PRUNE2: variants seen among roughly 807,000 people sequenced by gnomAD.
The protein encoded by PRUNE2 is protein prune homolog 2.
PRUNE2 carries 164 observed loss-of-function variants against 252.0 expected under a neutral mutation model. The observed-to-expected ratio is 0.65, with a 90% CI of 0.57 to 0.74. The LOEUF is 0.74. PRUNE2 is among the 30% of genes least tolerant of loss of function. PRUNE2 has a pLI of 0.00. For synonymous variants in PRUNE2, 1,292 were observed against 1,350.2 expected (o/e 0.96, Z 0.94); for missense variants, 3,495 against 3,711.0 (o/e 0.94, Z 1.51).
At chr9:76,890,676 C>T (rs1002397212) in intron 1 of PRUNE2, among the ~76,000 whole-genome samples, 1 of 152,150 alleles carries the variant, frequency 6.6e-6, no homozygotes, top group Non-Finnish European at 1.5e-5. Flanking sequence ...CTACTTCCCT[C>T]GGCATATACC....
At chr9:76,677,499 C>A (rs576531262) in intron 9 of PRUNE2, among the ~76,000 whole-genome samples, 4 of 152,268 alleles carry the variant, frequency 2.6e-5, no homozygotes, top group South Asian at 2.1e-4. Flanking sequence ...ATGACCAAAC[C>A]GTCAGCTCCT....
intron 6 of PRUNE2, chr9:76,733,743 T>A (rs893463036): frequency 1.3e-5 from 2 of 152,082 alleles, no homozygotes; most frequent in Admixed American, 6.5e-5. Flanking sequence ...AGACAATTAA[T>A]TAATTTGCCT....
At chr9:76,739,001 C>T (rs2049324205) in intron 6 of PRUNE2, 1 of 152,122 alleles carries the variant, frequency 6.6e-6, no homozygotes, top group Non-Finnish European at 1.5e-5. Context: ...CTCATAATCA[C>T]CCTGTGAAGT....
At position 76,848,658 on chromosome 9, in the gene PRUNE2, A is replaced by G. The variant is rs958608220; in HGVS notation, c.344+1805T>C. ...AAACTGTGAAAAACTAACATTTTAA[A>G]CTACTGAAGTGCTTAGCTGGTGAAC... On this transcript the variant is annotated intron_variant, in intron 3 of 18. Coordinates refer to ENST00000376718, the MANE Select transcript of PRUNE2 (RefSeq NM_015225.3). 6.6e-5 allele frequency among the ~76,000 whole-genome samples: 10 copies of G among 152,372 alleles called. No homozygotes were observed. In the South Asian group the frequency reaches 1.7e-3, roughly 25 times the overall value.
chr9:76,782,961 A>C (rs1174297209), intron 6 of PRUNE2: 1 of 152,220 alleles, frequency 6.6e-6, no homozygotes, highest in Non-Finnish European at 1.5e-5. Context: ...TCTATGAATT[A>C]GACAATCTTT....
At chr9:76,640,600 G>T (rs1842166932) in intron 12 of PRUNE2, among the ~76,000 whole-genome samples, 1 of 152,142 alleles carries the variant, frequency 6.6e-6, no homozygotes, top group African/African-American at 2.4e-5. Context: ...CCAATATGCA[G>T]GGTATTTATC....
In PRUNE2 at chr9:76,752,763, G is replaced by A. The variant is rs553863330; in HGVS notation, c.757-39042C>T. 5.9e-5 allele frequency among the ~76,000 whole-genome samples: 9 copies of A among 152,244 alleles called. No individual in the cohort carries two copies. In the South Asian group the frequency reaches 1.9e-3, roughly 32 times the overall value. On this transcript the variant is annotated intron_variant, in intron 6 of 18. Transcript: ENST00000376718. ...CCCAATCTACATATAGAAGACTGGGGTGCAGAGAAGTTAAGCAAGACTACG... is the reference window on the plus strand; with the variant it reads ...CCCAATCTACATATAGAAGACTGGGATGCAGAGAAGTTAAGCAAGACTACG...
Position 76,750,951 on chromosome 9 carries a change from A to T in PRUNE2, c.757-37230T>A, listed in dbSNP as rs1173776651. Among the ~76,000 whole-genome samples, 3 of 152,294 alleles carry T rather than the reference A, an allele frequency of 2.0e-5. 1 individual carries two copies. The highest frequency in any genetic ancestry group is 6.8e-3 in the Middle Eastern group (2 of 294). On this transcript the variant is annotated intron_variant, in intron 6 of 18. Transcript: ENST00000376718. The stretch of plus-strand genomic sequence containing the variant: ...TCTGTAGCAAAAGGCATGGGAATTC[A>T]CTGTTATTTATTGAACCAGACTAGG...
chr9:76,832,854 G>A (rs145105937), intron 4 of PRUNE2, among the ~76,000 whole-genome samples: 5 of 151,934 alleles, frequency 3.3e-5, no homozygotes, highest in South Asian at 4.1e-4. Context: ...TAATGAAATC[G>A]TGACATAACT....
chr9:76,765,101 T>C (rs2052194484), intron 6 of PRUNE2, among the ~76,000 whole-genome samples: 1 of 152,188 alleles, frequency 6.6e-6, no homozygotes, highest in Non-Finnish European at 1.5e-5. Flanking sequence ...GTAGCAGATG[T>C]ACATTTGTTG....
rs958139708 is a variant in PRUNE2 at position 76,613,484 on chromosome 9, A to T, written c.*1086T>A. Reference sequence around the variant, plus strand: ...CATGTGTCATGAAATATTCAAAAAAAATTTTTCCAACCCAAAATGTAAAAA... The same window carrying T: ...CATGTGTCATGAAATATTCAAAAAATATTTTTCCAACCCAAAATGTAAAAA... On this transcript the variant is annotated 3_prime_UTR_variant, in exon 19 of 19. Coordinates refer to ENST00000376718, the MANE Select transcript of PRUNE2 (RefSeq NM_015225.3). The T allele has an allele frequency of 6.6e-6, 1 of 152,198 alleles. No homozygotes were observed. The highest frequency in any genetic ancestry group is 1.5e-5 in the Non-Finnish European group (1 of 68,034). The allele number at this position is 152,198 out of a possible 1,614,324, so 9.4% of individuals were successfully genotyped here.
chr9:76,757,098 T>A (rs1373566098), intron 6 of PRUNE2, among the ~76,000 whole-genome samples: 2 of 152,228 alleles, frequency 1.3e-5, no homozygotes, highest in Admixed American at 1.3e-4. Flanking sequence ...CATAATAGTA[T>A]TTTCCCAACA....
chr9:76,881,255 C>T (rs903056631), intron 1 of PRUNE2, among the ~76,000 whole-genome samples: 3 of 152,104 alleles, frequency 2.0e-5, no homozygotes, highest in Non-Finnish European at 2.9e-5. Flanking sequence ...CGTGAGCCAC[C>T]GAGCCTGGCT....
In PRUNE2 at chr9:76,708,701, G is replaced by C. The variant is rs1191619688; in HGVS notation, c.3573C>G (p.Ala1191=). The C allele has an allele frequency of 1.2e-6, 2 of 1,613,840 alleles. No homozygotes were observed. The highest frequency in any genetic ancestry group is 2.7e-5 in the African/African-American group (2 of 74,918). ...CACTGTCCTTGGTATGCTCATCAGA[G>C]GCAGGGAGCTCCCAATCTACCTGAT... The part of the protein sequence containing the change: ...EANQVDWELP[A]SDEHTKDSAP... The change falls in exon 8 of 19, where the codon GCC becomes GCG. Residue 1191 remains alanine (A), a synonymous_variant. Coordinates refer to ENST00000376718, the MANE Select transcript of PRUNE2 (RefSeq NM_015225.3).
At chr9:76,888,885 C>T (rs1244498157) in intron 1 of PRUNE2, among the ~76,000 whole-genome samples, 1 of 152,094 alleles carries the variant, frequency 6.6e-6, no homozygotes, top group Non-Finnish European at 1.5e-5. Flanking sequence ...CTCTGTCACA[C>T]AGGCTGAAGT....
rs753193313 is a variant in PRUNE2, at chr9:76,652,562, G to A, written c.8478C>T (p.Asp2826=). ...CATTGATGTCAATTTCATCTGGACT[G>A]TCCAAGTTATCATCAGAGAGAATAG... ...EGSILSDDNL[D]SPDEIDINVD... is the part of the protein sequence containing the mutation. Residue 2826 remains aspartate, a synonymous_variant, in exon 11 of 19, where the codon GAC becomes GAT. Coordinates refer to ENST00000376718, the MANE Select transcript of PRUNE2 (RefSeq NM_015225.3). 1 of 1,613,186 alleles carries A rather than the reference G, an allele frequency of 6.2e-7. No homozygotes were observed. Among genetic ancestry groups the A allele is most frequent in the South Asian group, 1.1e-5 (1 of 91,054 alleles).
chr9:76,612,038 A>AT lies in PRUNE2; in HGVS notation c.*2531dup, dbSNP rs1444594833. 1.3e-5 allele frequency: 2 copies of AT among 152,442 alleles called. No individual in the cohort carries two copies. Among genetic ancestry groups the AT allele is most frequent in the African/African-American group, 2.4e-5 (1 of 41,434 alleles). The allele number at this position is 152,442 out of a possible 1,614,324, so 9.4% of individuals were successfully genotyped here. On this transcript the variant is annotated 3_prime_UTR_variant, in exon 19 of 19. Transcript: ENST00000376718. ...CTGTCTACCTATCTGCTTAGGGATTATTTTTCTAGGATTCATCTAGGATTC... is the reference window on the plus strand; with the variant it reads ...CTGTCTACCTATCTGCTTAGGGATTATTTTTTCTAGGATTCATCTAGGATTC...
rs1161760551 is a variant in PRUNE2, at chr9:76,717,758, T to C, written c.757-4037A>G. On this transcript the variant is annotated intron_variant, in intron 6 of 18. Coordinates refer to ENST00000376718, the MANE Select transcript of PRUNE2 (RefSeq NM_015225.3). ...GCATGGAATTTAGGAAGTTACTTTA[T>C]GAATCATTGCAACTGGGAATTGGCT... 2.6e-5 allele frequency among the ~76,000 whole-genome samples: 4 copies of C among 152,202 alleles called. No individual in the cohort carries two copies. In the East Asian group the frequency reaches 5.8e-4, roughly 22 times the overall value.
chr9:76,710,994 T>C lies in PRUNE2; in HGVS notation c.1280A>G (p.Asp427Gly). 1.2e-6 allele frequency: 2 copies of C among 1,612,720 alleles called. No homozygotes were observed. Among genetic ancestry groups the C allele is most frequent in the Non-Finnish European group, 1.7e-6 (2 of 1,179,188 alleles). The change falls in exon 8 of 19, where the codon GAC (aspartate) becomes GGC (glycine). Residue 427 changes from aspartate (D) to glycine (G), a missense_variant. Transcript: ENST00000376718. ...VDANVDLVSP[D>G]SGLATIRSSR... ...GCTCCTAATGGTAGCCAGTCCGCTGTCTGGGCTAACAAGGTCTACATTGGC... is the reference window on the plus strand; with the variant it reads ...GCTCCTAATGGTAGCCAGTCCGCTGCCTGGGCTAACAAGGTCTACATTGGC...
Sources: gnomAD v4.1 joint callset for allele counts (sites outside exome capture counted in the v4.1 genomes callset) on GRCh38, gnomAD v4.1.1 for gene constraint, MANE v1.5 for transcripts, NCBI Gene and HGNC (gene_info 2026-07-23, HGNC 2026-07-21) for gene names.